Variants in EYS observed in about 807,000 individuals in gnomAD.
The protein encoded by EYS is protein eyes shut homolog.
In EYS, 250 loss-of-function variants were observed where a neutral mutation model predicts 282.1. The ratio of observed to expected loss-of-function variants is 0.89; its 90% CI spans 0.80 to 0.98. The LOEUF (loss-of-function observed/expected upper bound fraction) is 0.98, where lower values mean the gene tolerates loss of function less well. Among genes scored for constraint, EYS ranks in the 50% least tolerant of loss-of-function variants. EYS has a pLI of 0.00. For synonymous variants in EYS, 1,355 were observed against 1,282.9 expected (o/e 1.06, Z -1.20); for missense variants, 4,016 against 3,709.0 (o/e 1.08, Z -2.15).
chr6:64,765,411 A>T (rs183649952), intron 22 of EYS, among the ~76,000 whole-genome samples: 10 of 152,276 alleles, frequency 6.6e-5, no homozygotes, highest in African/African-American at 2.4e-4. Flanking sequence ...TCTCCTTCTG[A>T]GCCCTCCAAA....
At position 64,922,272 on chromosome 6, in the gene EYS, T is replaced by C. The variant is rs116289004; in HGVS notation, c.2382-9529A>G. Among the ~76,000 whole-genome samples the C allele has an allele frequency of 5.1e-3, 783 of 152,368 alleles. 5 individuals carry two copies. Among genetic ancestry groups the C allele is most frequent in the South Asian group, 0.012 (57 of 4,830 alleles). On this transcript the variant is annotated intron_variant, in intron 15 of 42. Transcript: ENST00000503581. The stretch of plus-strand genomic sequence containing the variant: ...CTGAGCCAGGGAAGATTCTGCTTGT[T>C]TCTCATTGACAAGGACATTGTGTTG...
chr6:65,209,298 T>A (rs1766114468), intron 12 of EYS, among the ~76,000 whole-genome samples: 1 of 151,582 alleles, frequency 6.6e-6, no homozygotes, highest in African/African-American at 2.4e-5. Context: ...ATTACTGGAC[T>A]CTCAGTAAAC....
intron 8 of EYS, among the ~76,000 whole-genome samples, chr6:65,376,858 C>T (rs937084096): frequency 5.3e-5 from 8 of 151,992 alleles, no homozygotes; most frequent in Non-Finnish European, 7.4e-5. Flanking sequence ...TACAAAAGTG[C>T]CCAGATTCAT....
intron 31 of EYS, among the ~76,000 whole-genome samples, chr6:64,223,841 A>T (rs1766175296): frequency 6.6e-6 from 1 of 152,064 alleles, no homozygotes; most frequent in Non-Finnish European, 1.5e-5. Flanking sequence ...GAAATATAAG[A>T]TAAATCATAC....
chr6:64,762,730 T>C (rs1443949925), intron 22 of EYS, among the ~76,000 whole-genome samples: 2 of 152,010 alleles, frequency 1.3e-5, no homozygotes, highest in African/African-American at 4.8e-5. Context: ...CCCTCATAGA[T>C]AGGAAAGTGT....
intron 33 of EYS, among the ~76,000 whole-genome samples, chr6:64,032,212 C>G (rs147387637): frequency 6.6e-6 from 1 of 151,994 alleles, no homozygotes; most frequent in Admixed American, 6.6e-5. Flanking sequence ...TGAACACATC[C>G]GAACATCAGA....
intron 26 of EYS, among the ~76,000 whole-genome samples, chr6:64,543,826 C>T (rs1318981704): frequency 6.6e-6 from 1 of 152,074 alleles, no homozygotes; most frequent in African/African-American, 2.4e-5. Context: ...AGGATTATCC[C>T]TCTTACATTC....
intron 39 of EYS, among the ~76,000 whole-genome samples, chr6:63,785,046 C>CAT (rs1770328238): frequency 1.3e-5 from 2 of 152,182 alleles, no homozygotes; most frequent in Non-Finnish European, 2.9e-5. Context: ...GCATCTCTAA[C>CAT]AAACTTCCCA....
intron 14 of EYS, among the ~76,000 whole-genome samples, chr6:64,952,200 C>A (rs1769535564): frequency 1.3e-5 from 2 of 151,894 alleles, no homozygotes; most frequent in South Asian, 4.1e-4. Flanking sequence ...CTTCTATACC[C>A]AGTAAAAATA....
At chr6:63,869,183 G>C (rs1772739695) in intron 35 of EYS, among the ~76,000 whole-genome samples, 1 of 152,004 alleles carries the variant, frequency 6.6e-6, no homozygotes, top group Non-Finnish European at 1.5e-5. Flanking sequence ...ATAAGAAAGG[G>C]TAAGAGCAAA....
Position 63,789,195 on chromosome 6 carries a change from C to T in EYS, c.7441G>A (p.Gly2481Ser), listed in dbSNP as rs774918307. Residue 2481 changes from glycine to serine, a missense_variant, in exon 38 of 43, where the codon GGC (glycine) becomes AGC (serine). Coordinates refer to ENST00000503581, the MANE Select transcript of EYS (RefSeq NM_001142800.2). ...GLNGDDFLAV[G>S]LLNGSVVYSY... is the part of the protein sequence containing the mutation. ...TAAACCACACTGCCATTGAGCAGGC[C>T]CACAGCCAGGAAGTCATCGCCATTC... The T allele has an allele frequency of 1.6e-5, 25 of 1,551,666 alleles. No homozygotes were observed. The African/African-American group carries it at 3.2e-4, about 20-fold the overall frequency.
chr6:65,159,287 C>G (rs1267029309), intron 12 of EYS, among the ~76,000 whole-genome samples: 1 of 150,810 alleles, frequency 6.6e-6, no homozygotes, highest in East Asian at 2.0e-4. Context: ...ACTCTGTAGA[C>G]CCCTTCTGGT....
chr6:64,073,712 C>T (rs1771669837), intron 32 of EYS, among the ~76,000 whole-genome samples: 1 of 151,486 alleles, frequency 6.6e-6, no homozygotes, highest in South Asian at 2.1e-4. Flanking sequence ...AAATTTAGTT[C>T]AACATTGCTC....
chr6:64,479,125 G>A (rs991689184), intron 26 of EYS, among the ~76,000 whole-genome samples: 2 of 151,840 alleles, frequency 1.3e-5, no homozygotes, highest in Non-Finnish European at 2.9e-5. Context: ...TTTAGGTAAC[G>A]TGGTATAGTA....
intron 2 of EYS, among the ~76,000 whole-genome samples, chr6:65,572,210 G>A (rs78852097): frequency 0.036 from 5,528 of 151,994 alleles, 266 homozygotes; most frequent in African/African-American, 0.11. Context: ...AAATCATGCT[G>A]GAATAACTGT....
intron 29 of EYS, among the ~76,000 whole-genome samples, chr6:64,325,733 G>T (rs1465460750): frequency 6.6e-6 from 1 of 152,000 alleles, no homozygotes; most frequent in African/African-American, 2.4e-5. Flanking sequence ...CAAACCTTCA[G>T]GAAACACTGG....
chr6:63,783,243 T>C (rs1274260519), intron 39 of EYS, among the ~76,000 whole-genome samples: 1 of 152,204 alleles, frequency 6.6e-6, no homozygotes, highest in Non-Finnish European at 1.5e-5. Flanking sequence ...CACTAGAAGC[T>C]TATTTCCTGT....
chr6:64,191,528 T>C (rs1339283155), intron 31 of EYS, among the ~76,000 whole-genome samples: 2 of 145,682 alleles, frequency 1.4e-5, no homozygotes, highest in Non-Finnish European at 3.0e-5. Context: ...CCTTCCTGTG[T>C]CCATGTGTTC....
chr6:64,006,599 A>T (rs1768358893), intron 33 of EYS, among the ~76,000 whole-genome samples: 1 of 152,124 alleles, frequency 6.6e-6, no homozygotes, highest in South Asian at 2.1e-4. Flanking sequence ...TCTGGTGCCT[A>T]TTCAGTATGA....
Sources: allele counts gnomAD v4.1 joint callset (sites outside exome capture counted in the v4.1 genomes callset), GRCh38; gene constraint gnomAD v4.1.1; transcripts MANE v1.5; gene names NCBI Gene and HGNC (gene_info 2026-07-23, HGNC 2026-07-21).